SCMH1: variants seen among roughly 807,000 people sequenced by gnomAD.
The protein encoded by SCMH1 is polycomb protein SCMH1.
A neutral mutation model predicts 70.8 loss-of-function variants in SCMH1; 37 were observed. The ratio of observed to expected loss-of-function variants is 0.52; its 90% CI spans 0.40 to 0.69. The LOEUF is 0.69. Ranked by LOEUF, SCMH1 falls within the 30% of genes least tolerant of loss-of-function variation. SCMH1 has a pLI of 0.00. For synonymous variants in SCMH1, 292 were observed against 307.4 expected, an observed-to-expected ratio of 0.95 and a Z score of 0.52; for missense variants, 607 against 827.3, an observed-to-expected ratio of 0.73 and a Z score of 3.27.
chr1:41,045,421 G>C (rs1321000844), intron 12 of SCMH1, among the ~76,000 whole-genome samples: 1 of 152,144 alleles, frequency 6.6e-6, no homozygotes, highest in African/African-American at 2.4e-5. Context: ...TGAGGGAAAG[G>C]GGGAAGGAGA....
intron 10 of SCMH1, among the ~76,000 whole-genome samples, chr1:41,049,962 G>A (rs1647452234): frequency 6.6e-6 from 1 of 151,136 alleles, no homozygotes; most frequent in East Asian, 1.9e-4. Flanking sequence ...AGGCTGAGGT[G>A]GGAGAACTGC....
intron 10 of SCMH1, among the ~76,000 whole-genome samples, chr1:41,064,415 A>G (rs1390374100): frequency 6.6e-6 from 1 of 152,250 alleles, no homozygotes; most frequent in Non-Finnish European, 1.5e-5. Context: ...AAAAAGTAAG[A>G]TAAAAAGAAT....
intron 10 of SCMH1, among the ~76,000 whole-genome samples, chr1:41,066,505 T>A (rs1654640364): frequency 6.6e-6 from 1 of 152,206 alleles, no homozygotes; most frequent in Non-Finnish European, 1.5e-5. Flanking sequence ...TATGATTGTC[T>A]ATATACTCTT....
At chr1:41,155,161 C>T (rs1645405794) in intron 4 of SCMH1, among the ~76,000 whole-genome samples, 1 of 152,012 alleles carries the variant, frequency 6.6e-6, no homozygotes, top group African/African-American at 2.4e-5. Context: ...CTGATGCATA[C>T]CACGTGATAG....
intron 1 of SCMH1, among the ~76,000 whole-genome samples, chr1:41,221,528 T>TTA (rs754247437): frequency 1.3e-4 from 19 of 150,778 alleles, no homozygotes; most frequent in South Asian, 8.4e-4. Flanking sequence ...ATAAATTTTG[T>TTA]TATATATATA....
At chr1:41,217,689 G>A (rs1473302415) in intron 1 of SCMH1, among the ~76,000 whole-genome samples, 2 of 152,204 alleles carry the variant, frequency 1.3e-5, no homozygotes, top group Non-Finnish European at 2.9e-5. Flanking sequence ...TAACTGAAAT[G>A]GACAGAGATG....
At chr1:41,109,493 T>C (rs1668754768) in intron 8 of SCMH1, among the ~76,000 whole-genome samples, 1 of 152,206 alleles carries the variant, frequency 6.6e-6, no homozygotes, top group Non-Finnish European at 1.5e-5. Context: ...ACTTGCTCCT[T>C]AGCCAGGACA....
chr1:41,235,182 T>C (rs1270774332), intron 1 of SCMH1, among the ~76,000 whole-genome samples: 1 of 152,190 alleles, frequency 6.6e-6, no homozygotes, highest in Non-Finnish European at 1.5e-5. Context: ...ACAGAAATTT[T>C]ATGGTTCACT....
chr1:41,222,746 C>T (rs931071206), intron 1 of SCMH1, among the ~76,000 whole-genome samples: 3 of 152,096 alleles, frequency 2.0e-5, no homozygotes, highest in African/African-American at 7.2e-5. Context: ...TTCAAACACT[C>T]AAGAAGAGTC....
At chr1:41,061,514 T>C (rs2148811474) in intron 10 of SCMH1, among the ~76,000 whole-genome samples, 1 of 152,240 alleles carries the variant, frequency 6.6e-6, no homozygotes, top group South Asian at 2.1e-4. Context: ...AGAGGCCAAT[T>C]CTCCAAGAAG....
chr1:41,227,804 C>T (rs150391879), intron 1 of SCMH1, among the ~76,000 whole-genome samples: 12,483 of 152,080 alleles, frequency 0.082, 700 homozygotes, highest in South Asian at 0.15. Context: ...TAGTGAAACC[C>T]CGTCTCTACT....
chr1:41,082,940 ACT>A (rs1431955380), intron 8 of SCMH1, among the ~76,000 whole-genome samples: 9 of 152,132 alleles, frequency 5.9e-5, no homozygotes, highest in African/African-American at 2.2e-4. Flanking sequence ...CATGCTAAAA[ACT>A]CTCAATAAAT....
chr1:41,212,112 T>C (rs777985218), intron 1 of SCMH1, among the ~76,000 whole-genome samples: 7 of 152,154 alleles, frequency 4.6e-5, no homozygotes, highest in African/African-American at 9.7e-5. Flanking sequence ...TGTATACCTA[T>C]GTAACAAACC....
At chr1:41,036,477 T>C (rs1199208349) in intron 13 of SCMH1, among the ~76,000 whole-genome samples, 1 of 152,200 alleles carries the variant, frequency 6.6e-6, no homozygotes, top group Non-Finnish European at 1.5e-5. Flanking sequence ...CACTCTCTCT[T>C]CTCCAAACCT....
intron 1 of SCMH1, among the ~76,000 whole-genome samples, chr1:41,229,202 C>CAAA (rs35731665): frequency 2.9e-4 from 41 of 143,178 alleles, no homozygotes; most frequent in Admixed American, 4.8e-4. Flanking sequence ...AACCCCCTAC[C>CAAA]AAAAAAAAAA....
At chr1:41,163,558 A>G (rs1646215002) in intron 2 of SCMH1, among the ~76,000 whole-genome samples, 1 of 152,212 alleles carries the variant, frequency 6.6e-6, no homozygotes, top group African/African-American at 2.4e-5. Context: ...GGTGGTCGCT[A>G]ATTCAGCATG....
At chr1:41,208,335 A>G (rs1468058965) in intron 1 of SCMH1, among the ~76,000 whole-genome samples, 4 of 135,712 alleles carry the variant, frequency 2.9e-5, no homozygotes, top group African/African-American at 2.8e-5. Context: ...TAGATGACAC[A>G]TTAGTGGGTG....
At chr1:41,165,767 T>C (rs539569242) in intron 2 of SCMH1, among the ~76,000 whole-genome samples, 8 of 152,238 alleles carry the variant, frequency 5.3e-5, no homozygotes, top group African/African-American at 1.9e-4. Flanking sequence ...GAGTTCCTAG[T>C]ATATTTCGGA....
intron 8 of SCMH1, among the ~76,000 whole-genome samples, chr1:41,080,548 A>G (rs997547041): frequency 1.3e-5 from 2 of 152,174 alleles, no homozygotes; most frequent in African/African-American, 4.8e-5. Context: ...TATATATATC[A>G]TATCATAACA....
Sources: gnomAD v4.1 joint callset for allele counts (sites outside exome capture counted in the v4.1 genomes callset) on GRCh38, gnomAD v4.1.1 for gene constraint, MANE v1.5 for transcripts, NCBI Gene and HGNC (gene_info 2026-07-23, HGNC 2026-07-21) for gene names.